ERBB4: variants seen among roughly 807,000 people sequenced by gnomAD.
The protein encoded by ERBB4 is erb-b2 receptor tyrosine kinase 4, also known as receptor tyrosine-protein kinase erbB-4.
A neutral mutation model predicts 158.0 loss-of-function variants in ERBB4; 42 were observed. That is an observed-to-expected ratio of 0.27 (90% CI 0.21 to 0.34). The LOEUF is 0.34. ERBB4 is among the 10% of genes least tolerant of loss of function. ERBB4 has a pLI of 1.00. For missense variants in ERBB4, 1,333 were observed against 1,624.1 expected, an observed-to-expected ratio of 0.82 and a Z score of 3.08; for synonymous variants, 583 against 558.7, an observed-to-expected ratio of 1.04 and a Z score of -0.61.
intron 2 of ERBB4, among the ~76,000 whole-genome samples, chr2:212,028,974 G>A (rs576816501): frequency 6.6e-5 from 10 of 152,090 alleles, no homozygotes; most frequent in East Asian, 5.8e-4. Flanking sequence ...AAACAGGACC[G>A]GGGTGGAAGC....
At chr2:211,544,946 C>A (rs2066903804) in intron 20 of ERBB4, among the ~76,000 whole-genome samples, 1 of 151,980 alleles carries the variant, frequency 6.6e-6, no homozygotes, top group Non-Finnish European at 1.5e-5. Flanking sequence ...TCCACAGAAG[C>A]CCCAATCACA....
chr2:212,440,020 A>G (rs13000920), intron 1 of ERBB4, among the ~76,000 whole-genome samples: 24,692 of 152,174 alleles, frequency 0.16, 2,544 homozygotes, highest in Non-Finnish European at 0.23. Flanking sequence ...TCAAAATCTG[A>G]AAGTTCAAAG....
intron 12 of ERBB4, among the ~76,000 whole-genome samples, chr2:211,684,030 G>T (rs1013657762): frequency 2.4e-4 from 36 of 151,974 alleles, no homozygotes; most frequent in African/African-American, 8.5e-4. Flanking sequence ...ACTGTAATTA[G>T]ATTTCGTTTA....
At chr2:211,827,612 T>C (rs1480428891) in intron 3 of ERBB4, among the ~76,000 whole-genome samples, 1 of 151,796 alleles carries the variant, frequency 6.6e-6, no homozygotes, top group African/African-American at 2.4e-5. Context: ...AATGAAAAAA[T>C]GTCAAAAAAC....
chr2:211,751,164 T>G (rs1054930129), intron 4 of ERBB4, among the ~76,000 whole-genome samples: 1 of 152,166 alleles, frequency 6.6e-6, no homozygotes. Flanking sequence ...TACAAACACA[T>G]GAAAAATCAT....
chr2:212,288,462 G>C (rs1455860984), intron 1 of ERBB4, among the ~76,000 whole-genome samples: 1 of 152,128 alleles, frequency 6.6e-6, no homozygotes, highest in Non-Finnish European at 1.5e-5. Flanking sequence ...GCTCCCACAG[G>C]CCTGAGCACT....
At chr2:211,912,408 C>T (rs141162770) in intron 3 of ERBB4, among the ~76,000 whole-genome samples, 8 of 151,324 alleles carry the variant, frequency 5.3e-5, no homozygotes, top group South Asian at 2.1e-4. Flanking sequence ...AAGCATTTAA[C>T]GTGAAGGATA....
rs533599592 is a variant in ERBB4 at position 211,647,176 on chromosome 2, T to C, written c.1946+10578A>G. 5.9e-5 allele frequency among the ~76,000 whole-genome samples: 9 copies of C among 151,708 alleles called. No homozygotes were observed. In the South Asian group the frequency reaches 1.9e-3, roughly 31 times the overall value. On this transcript the variant is annotated intron_variant, in intron 16 of 27. Transcript: ENST00000342788. ...AAGACTAATCCTTTCATATGTTCTT[T>C]TCCTCTTAACTCTTCTTTTTTTTCA... is the stretch of plus-strand genomic sequence containing the variant.
intron 1 of ERBB4, among the ~76,000 whole-genome samples, chr2:212,127,002 T>C (rs1394790712): frequency 1.3e-5 from 2 of 152,212 alleles, no homozygotes; most frequent in Non-Finnish European, 2.9e-5. Flanking sequence ...TTTTAAAGTC[T>C]GGATTTCTAA....
intron 19 of ERBB4, among the ~76,000 whole-genome samples, chr2:211,569,672 A>G (rs1465177746): frequency 6.6e-6 from 1 of 152,216 alleles, no homozygotes; most frequent in Non-Finnish European, 1.5e-5. Flanking sequence ...AGAGCATTCA[A>G]GGAAAAGCAT....
chr2:211,619,926 AG>A (rs1182407188), intron 18 of ERBB4, among the ~76,000 whole-genome samples: 7 of 152,290 alleles, frequency 4.6e-5, no homozygotes, highest in African/African-American at 1.7e-4. Flanking sequence ...TTATCTCTGA[AG>A]AAATATAAAA....
At chr2:211,832,191 A>C (rs1474462863) in intron 3 of ERBB4, among the ~76,000 whole-genome samples, 1 of 152,150 alleles carries the variant, frequency 6.6e-6, no homozygotes, top group Non-Finnish European at 1.5e-5. Context: ...ATTAACTATT[A>C]TGTCTTACTC....
intron 3 of ERBB4, among the ~76,000 whole-genome samples, chr2:211,880,102 T>C (rs1189027059): frequency 6.6e-6 from 1 of 151,944 alleles, no homozygotes; most frequent in African/African-American, 2.4e-5. Flanking sequence ...TACTCCTTGG[T>C]ATGTCCTCAT....
chr2:212,023,963 G>C (rs1227721423), intron 2 of ERBB4, among the ~76,000 whole-genome samples: 1 of 151,046 alleles, frequency 6.6e-6, no homozygotes, highest in African/African-American at 2.4e-5. Flanking sequence ...ATAATTTCTG[G>C]AAACTAATCA....
At chr2:212,023,420 CT>C (rs1190704497) in intron 2 of ERBB4, among the ~76,000 whole-genome samples, 1 of 151,930 alleles carries the variant, frequency 6.6e-6, no homozygotes, top group Non-Finnish European at 1.5e-5. Context: ...TAAGAATGCA[CT>C]AGCCAACAAG....
chr2:211,965,991 T>C (rs2081300021), intron 2 of ERBB4, among the ~76,000 whole-genome samples: 1 of 152,084 alleles, frequency 6.6e-6, no homozygotes, highest in South Asian at 2.1e-4. Context: ...GCAGGAGGCT[T>C]GCTTCAGGCC....
intron 5 of ERBB4, among the ~76,000 whole-genome samples, chr2:211,735,136 T>TA (rs1055525981): frequency 6.6e-6 from 1 of 151,816 alleles, no homozygotes; most frequent in African/African-American, 2.4e-5. Flanking sequence ...AATCACTTTA[T>TA]AAAAAAATGT....
rs565725532 is a variant in ERBB4 at position 212,190,388 on chromosome 2, T to A, written c.83-65485A>T. 1.5e-3 allele frequency among the ~76,000 whole-genome samples: 233 copies of A among 152,060 alleles called. 1 individual carries two copies. The highest frequency in any genetic ancestry group is 5.2e-3 in the African/African-American group (216 of 41,492). ...CGTCTCTACTGAAAATACAAAAAAATTAGCCGGGCGTGGTGGCAGGTGCCT... is the reference window on the plus strand; with the variant it reads ...CGTCTCTACTGAAAATACAAAAAAAATAGCCGGGCGTGGTGGCAGGTGCCT... On this transcript the variant is annotated intron_variant, in intron 1 of 27. Transcript: ENST00000342788.
chr2:212,066,561 T>C (rs1390167300), intron 2 of ERBB4, among the ~76,000 whole-genome samples: 1 of 152,030 alleles, frequency 6.6e-6, no homozygotes, highest in African/African-American at 2.4e-5. Flanking sequence ...GTTTCAGAAT[T>C]ATATAAAGTT....
Sources: gnomAD v4.1 joint callset for allele counts (sites outside exome capture counted in the v4.1 genomes callset) on GRCh38, gnomAD v4.1.1 for gene constraint, MANE v1.5 for transcripts, NCBI Gene and HGNC (gene_info 2026-07-23, HGNC 2026-07-21) for gene names.